SGCZ: variants seen among roughly 807,000 people sequenced by gnomAD.
The protein encoded by SGCZ is sarcoglycan zeta.
In SGCZ, 40 loss-of-function variants were observed where a neutral mutation model predicts 41.3. That is an observed-to-expected ratio of 0.97 (90% confidence interval 0.75 to 1.26). The LOEUF (loss-of-function observed/expected upper bound fraction) is 1.26. Ranked by LOEUF, SGCZ falls within the 50% of genes most tolerant of loss-of-function variation. SGCZ has a pLI of 0.00. For synonymous variants in SGCZ, 206 were observed against 137.5 expected, an observed-to-expected ratio of 1.50 and a Z score of -3.49; for missense variants, 552 against 369.8, an observed-to-expected ratio of 1.49 and a Z score of -4.04.
At chr8:14,513,178 G>A (rs12677133) in intron 2 of SGCZ, among the ~76,000 whole-genome samples, 8,384 of 151,976 alleles carry the variant, frequency 0.055, 300 homozygotes, top group African/African-American at 0.098. Flanking sequence ...AAGTAGCTGA[G>A]TCTATAAGCA....
chr8:14,947,705 T>G (rs1800499215), intron 1 of SGCZ, among the ~76,000 whole-genome samples: 1 of 152,178 alleles, frequency 6.6e-6, no homozygotes, highest in South Asian at 2.1e-4. Flanking sequence ...AGATGACACC[T>G]GAAAGAAAAG....
At chr8:14,558,617 T>G (rs1266089084) in intron 1 of SGCZ, among the ~76,000 whole-genome samples, 1 of 66,280 alleles carries the variant, frequency 1.5e-5, no homozygotes, top group Admixed American at 1.3e-4. Context: ...AGAGAGAATC[T>G]TCCATAAATA....
chr8:14,929,402 G>C (rs975493492), intron 1 of SGCZ, among the ~76,000 whole-genome samples: 1 of 152,180 alleles, frequency 6.6e-6, no homozygotes, highest in Non-Finnish European at 1.5e-5. Flanking sequence ...TACTATGACA[G>C]TTTAAGTGCC....
In SGCZ at chr8:14,797,819, C is replaced by G. The variant is rs569832290; in HGVS notation, c.40-242893G>C. Among the ~76,000 whole-genome samples, 6 of 152,250 alleles carry G rather than the reference C, an allele frequency of 3.9e-5. 1 individual carries two copies. In the South Asian group the frequency reaches 1.2e-3, roughly 32 times the overall value. On this transcript the variant is annotated intron_variant, in intron 1 of 7. Transcript: ENST00000382080. The stretch of plus-strand genomic sequence containing the variant: ...TTTGGTGCCCTGCATCCCAGCTGCC[C>G]CAGCCATGGCTTAAAGGGGCCAAGG...
At chr8:14,748,210 A>G (rs1470617774) in intron 1 of SGCZ, among the ~76,000 whole-genome samples, 1 of 152,130 alleles carries the variant, frequency 6.6e-6, no homozygotes, top group Non-Finnish European at 1.5e-5. Flanking sequence ...AGTGCCCACA[A>G]CAACGTTTTG....
intron 1 of SGCZ, among the ~76,000 whole-genome samples, chr8:15,061,278 C>G (rs1804918370): frequency 6.8e-6 from 1 of 147,692 alleles, no homozygotes; most frequent in Non-Finnish European, 1.5e-5. Context: ...CAAACTAACA[C>G]AGGAACAGAA....
intron 2 of SGCZ, among the ~76,000 whole-genome samples, chr8:14,509,153 A>G (rs1802393684): frequency 6.6e-6 from 1 of 152,168 alleles, no homozygotes; most frequent in Non-Finnish European, 1.5e-5. Flanking sequence ...TAGTAAATTT[A>G]GACTAGATTT....
chr8:14,193,318 T>A (rs1563178019), intron 4 of SGCZ, among the ~76,000 whole-genome samples: 1 of 117,732 alleles, frequency 8.5e-6, no homozygotes, highest in Admixed American at 9.9e-5. Context: ...CTCTTTCCTA[T>A]AAAAAATGCA....
At chr8:14,784,936 AAT>A (rs1563267396) in intron 1 of SGCZ, among the ~76,000 whole-genome samples, 8 of 37,972 alleles carry the variant, frequency 2.1e-4, no homozygotes, top group Non-Finnish European at 4.7e-4. Context: ...ATATATATAA[AAT>A]ATATATATTT....
chr8:15,065,415 AATTATT>A (rs200765691), intron 1 of SGCZ, among the ~76,000 whole-genome samples: 9,813 of 137,354 alleles, frequency 0.071, 363 homozygotes, highest in Middle Eastern at 0.11. Flanking sequence ...ATGGTATTGT[AATTATT>A]ATTATTATTA....
At chr8:15,022,565 A>T (rs939160149) in intron 1 of SGCZ, among the ~76,000 whole-genome samples, 1 of 152,050 alleles carries the variant, frequency 6.6e-6, no homozygotes, top group Admixed American at 6.6e-5. Context: ...GATGGTCTCG[A>T]TCTCTTGACC....
intron 1 of SGCZ, among the ~76,000 whole-genome samples, chr8:15,125,584 T>G (rs373217990): frequency 5.0e-4 from 76 of 152,328 alleles, no homozygotes; most frequent in Middle Eastern, 3.4e-3. Context: ...CAAAATACCC[T>G]ATTTTAATTT....
At chr8:14,854,908 G>A (rs1803488553) in intron 1 of SGCZ, among the ~76,000 whole-genome samples, 2 of 151,330 alleles carry the variant, frequency 1.3e-5, no homozygotes, top group African/African-American at 4.9e-5. Flanking sequence ...ATGTCAGCAT[G>A]TCCACAGGGG....
At position 14,361,349 on chromosome 8, in the gene SGCZ, T is replaced by C. The variant is rs146470879; in HGVS notation, c.235-37145A>G. On this transcript the variant is annotated intron_variant, in intron 2 of 7. Transcript: ENST00000382080. ...CAAACGTAGATTTGGTCTTTTCACA[T>C]AGTCCCATATTTCTTGAAGGTTTTG... 1.5e-3 allele frequency among the ~76,000 whole-genome samples: 232 copies of C among 152,346 alleles called. 6 individuals are homozygous for C. The East Asian group carries it at 0.038, about 25-fold the overall frequency.
At chr8:14,903,937 C>G (rs1342295208) in intron 1 of SGCZ, among the ~76,000 whole-genome samples, 3 of 151,862 alleles carry the variant, frequency 2.0e-5, no homozygotes, top group Non-Finnish European at 4.4e-5. Flanking sequence ...AACATTAACT[C>G]AAGATACTTC....
At chr8:14,611,427 G>T (rs1209188956) in intron 1 of SGCZ, among the ~76,000 whole-genome samples, 1 of 152,052 alleles carries the variant, frequency 6.6e-6, no homozygotes, top group Non-Finnish European at 1.5e-5. Context: ...AATTGTTTCT[G>T]GGAATAAAGA....
intron 1 of SGCZ, among the ~76,000 whole-genome samples, chr8:15,002,175 G>A (rs1298000055): frequency 6.7e-6 from 1 of 148,838 alleles, no homozygotes; most frequent in African/African-American, 2.5e-5. Context: ...CAATGCTTCA[G>A]GAATGACTTA....
At chr8:14,530,148 T>C (rs181017471) in intron 2 of SGCZ, among the ~76,000 whole-genome samples, 97 of 152,142 alleles carry the variant, frequency 6.4e-4, no homozygotes, top group African/African-American at 2.1e-3. Flanking sequence ...TTACAGATAA[T>C]CATCTGAACT....
intron 1 of SGCZ, among the ~76,000 whole-genome samples, chr8:14,835,835 T>C (rs28529465): frequency 0.23 from 34,792 of 152,126 alleles, 4,518 homozygotes; most frequent in Middle Eastern, 0.31. Context: ...ATGTTTTCAG[T>C]AGAAACAATC....
Sources: allele counts gnomAD v4.1 joint callset (sites outside exome capture counted in the v4.1 genomes callset), GRCh38; gene constraint gnomAD v4.1.1; transcripts MANE v1.5; gene names NCBI Gene and HGNC (gene_info 2026-07-23, HGNC 2026-07-21).